SULF1: variants seen among roughly 807,000 people sequenced by gnomAD.
SULF1 encodes sulfatase 1, also known as extracellular sulfatase Sulf-1.
In SULF1, 46 loss-of-function variants were observed where a neutral mutation model predicts 110.5. The observed-to-expected ratio is 0.42, with a 90% CI of 0.33 to 0.53. The LOEUF (loss-of-function observed/expected upper bound fraction) is 0.53. SULF1 is among the 20% of genes least tolerant of loss of function. The pLI, the probability that SULF1 is intolerant of heterozygous loss-of-function variation, is 0.12. For missense variants in SULF1, 941 were observed against 1,094.2 expected (o/e 0.86, Z 1.98); for synonymous variants, 371 against 387.1 (o/e 0.96, Z 0.49).
chr8:69,566,773 C>T (rs1449951735), intron 5 of SULF1, among the ~76,000 whole-genome samples: 1 of 152,066 alleles, frequency 6.6e-6, no homozygotes, highest in Non-Finnish European at 1.5e-5. Flanking sequence ...ATTGCTTGAC[C>T]CGTGAGGCAG....
intron 3 of SULF1, among the ~76,000 whole-genome samples, chr8:69,537,535 C>T (rs1355096898): frequency 6.6e-6 from 1 of 152,182 alleles, no homozygotes; most frequent in East Asian, 1.9e-4. Flanking sequence ...CTACCCTCAG[C>T]ATGAGTGTGG....
chr8:69,503,132 TA>T (rs934553114), intron 3 of SULF1, among the ~76,000 whole-genome samples: 6 of 152,378 alleles, frequency 3.9e-5, no homozygotes, highest in Non-Finnish European at 8.8e-5. Flanking sequence ...AGGGTTGTTT[TA>T]TCCAGCTTCT....
At chr8:69,472,369 G>C (rs1194341886) in intron 1 of SULF1, among the ~76,000 whole-genome samples, 1 of 152,170 alleles carries the variant, frequency 6.6e-6, no homozygotes, top group Non-Finnish European at 1.5e-5. Context: ...ATACCATTTA[G>C]ACTTCACCTT....
intron 22 of SULF1, among the ~76,000 whole-genome samples, chr8:69,646,050 G>A (rs1811884944): frequency 6.6e-6 from 1 of 152,064 alleles, no homozygotes; most frequent in Non-Finnish European, 1.5e-5. Flanking sequence ...AATGAACAGG[G>A]TACCAGTACA....
intron 2 of SULF1, among the ~76,000 whole-genome samples, chr8:69,498,656 G>A (rs1255305743): frequency 6.6e-6 from 1 of 152,140 alleles, no homozygotes; most frequent in Non-Finnish European, 1.5e-5. Context: ...TGAAAATAGA[G>A]GCTGTCAGAA....
chr8:69,478,410 T>A (rs776930247), intron 1 of SULF1, among the ~76,000 whole-genome samples: 1 of 152,164 alleles, frequency 6.6e-6, no homozygotes, highest in African/African-American at 2.4e-5. Flanking sequence ...AGAACCTCCA[T>A]GATCTTTTCC....
At chr8:69,590,422 C>T (rs992051846) in intron 8 of SULF1, among the ~76,000 whole-genome samples, 2 of 152,202 alleles carry the variant, frequency 1.3e-5, no homozygotes, top group Non-Finnish European at 2.9e-5. Context: ...ACCTCGGCCT[C>T]CCAAAGTGCT....
At chr8:69,494,455 A>G (rs1810187098) in intron 1 of SULF1, among the ~76,000 whole-genome samples, 3 of 152,156 alleles carry the variant, frequency 2.0e-5, no homozygotes, top group Admixed American at 2.0e-4. Context: ...GTCTTTTTTT[A>G]GATTCTCTTT....
At chr8:69,530,810 T>C (rs1319315628) in intron 3 of SULF1, among the ~76,000 whole-genome samples, 1 of 152,212 alleles carries the variant, frequency 6.6e-6, no homozygotes, top group Admixed American at 6.5e-5. Flanking sequence ...TTCTATCTGG[T>C]TAGCCAACAT....
intron 6 of SULF1, among the ~76,000 whole-genome samples, chr8:69,585,980 C>T (rs1240599899): frequency 6.6e-6 from 1 of 152,228 alleles, no homozygotes; most frequent in African/African-American, 2.4e-5. Context: ...AGTTCTCCAA[C>T]ACCTGCCCGG....
intron 21 of SULF1, 145 bp downstream of exon 21, chr8:69,639,003 A>G: frequency 2.3e-6 from 2 of 853,004 alleles, no homozygotes; most frequent in African/African-American, 1.7e-5. Context: ...TCTAAATACA[A>G]TTTGATCTCT....
chr8:69,619,555 C>T (rs1315582744), intron 13 of SULF1, among the ~76,000 whole-genome samples: 2 of 152,218 alleles, frequency 1.3e-5, no homozygotes, highest in Non-Finnish European at 1.5e-5. Context: ...TGTAAGCCTG[C>T]AGCATCTGTG....
At chr8:69,570,849 C>T (rs1805179090) in intron 5 of SULF1, among the ~76,000 whole-genome samples, 1 of 152,226 alleles carries the variant, frequency 6.6e-6, no homozygotes, top group Admixed American at 6.5e-5. Context: ...TGTTCTCAGT[C>T]CCAGCCTGGA....
intron 3 of SULF1, among the ~76,000 whole-genome samples, chr8:69,560,094 TCCAAACGTC>T (rs1334795039): frequency 1.3e-5 from 2 of 152,174 alleles, no homozygotes; most frequent in Admixed American, 6.5e-5. Flanking sequence ...CACAGGGTCC[TCCAAACGTC>T]CCAAACTATA....
At chr8:69,585,383 G>A (rs564675795) in intron 6 of SULF1, among the ~76,000 whole-genome samples, 2 of 152,184 alleles carry the variant, frequency 1.3e-5, no homozygotes, top group South Asian at 4.2e-4. Flanking sequence ...AAGTATTCCA[G>A]TATATTTATG....
intron 9 of SULF1, among the ~76,000 whole-genome samples, chr8:69,601,055 T>A (rs2130389570): frequency 1.3e-5 from 2 of 152,296 alleles, no homozygotes; most frequent in East Asian, 3.9e-4. Flanking sequence ...GAGCTTGTGC[T>A]GAACTTGAAC....
chr8:69,539,157 AG>A (rs891760188), intron 3 of SULF1, among the ~76,000 whole-genome samples: 55 of 152,140 alleles, frequency 3.6e-4, no homozygotes, highest in African/African-American at 1.2e-3. Context: ...TGATAGGCTG[AG>A]GGGGCTGCCT....
intron 1 of SULF1, among the ~76,000 whole-genome samples, chr8:69,485,958 C>T (rs1405657524): frequency 6.6e-6 from 1 of 152,124 alleles, no homozygotes; most frequent in Non-Finnish European, 1.5e-5. Flanking sequence ...ACTGCCTGTC[C>T]CTCGGGCTGA....
chr8:69,508,432 C>T (rs1420380176), intron 3 of SULF1, among the ~76,000 whole-genome samples: 2 of 152,112 alleles, frequency 1.3e-5, no homozygotes, highest in African/African-American at 2.4e-5. Context: ...TAAAAAGTAA[C>T]TAAAATATTT....
Sources: allele counts gnomAD v4.1 joint callset (sites outside exome capture counted in the v4.1 genomes callset), GRCh38; gene constraint gnomAD v4.1.1; transcripts MANE v1.5; gene names NCBI Gene and HGNC (gene_info 2026-07-23, HGNC 2026-07-21).